SLC25A13: variants seen among roughly 807,000 people sequenced by gnomAD.
The protein encoded by SLC25A13 is solute carrier family 25 member 13.
A neutral mutation model predicts 85.5 loss-of-function variants in SLC25A13; 70 were observed. That is an observed-to-expected ratio of 0.82 (90% CI 0.68 to 1.00). The LOEUF (loss-of-function observed/expected upper bound fraction) is 1.00. SLC25A13 is among the 50% of genes least tolerant of loss of function. SLC25A13 has a pLI of 0.00. For missense variants in SLC25A13, 765 were observed against 819.8 expected, an observed-to-expected ratio of 0.93 and a Z score of 0.82; for synonymous variants, 259 against 288.7, an observed-to-expected ratio of 0.90 and a Z score of 1.04.
In SLC25A13 at chr7:96,240,973, GGA is replaced by G. The variant is rs1215058223; in HGVS notation, c.213-6058_213-6057del. On this transcript the variant is annotated intron_variant, in intron 3 of 17. Coordinates refer to ENST00000265631, the MANE Select transcript of SLC25A13 (RefSeq NM_014251.3). The stretch of plus-strand genomic sequence containing the variant: ...CAGGGAAGAGCTACGAAAGCCGAAA[GGA>G]GAGGAGAGGGGAGGGGAGGGGAGGG... Among the ~76,000 whole-genome samples, 8 of 76,126 alleles carry G rather than the reference GGA, an allele frequency of 1.1e-4. 1 individual carries two copies. The highest frequency in any genetic ancestry group is 2.9e-4 in the African/African-American group (6 of 20,740). 49.9% of individuals were successfully genotyped at this position (76,126 alleles called of 152,430 possible). A position where few individuals can be genotyped will look rare whatever the true frequency, so the allele number is the denominator to read the frequency against.
intron 3 of SLC25A13, among the ~76,000 whole-genome samples, chr7:96,275,211 C>T (rs574889546): frequency 2.2e-4 from 34 of 151,992 alleles, no homozygotes; most frequent in South Asian, 1.5e-3. Context: ...GTTAGAATGG[C>T]GATCATTAAA....
intron 13 of SLC25A13, among the ~76,000 whole-genome samples, chr7:96,163,146 T>C (rs1050008047): frequency 6.6e-6 from 1 of 152,208 alleles, no homozygotes; most frequent in African/African-American, 2.4e-5. Flanking sequence ...TCCTGTTGAG[T>C]CTGGGCCAGC....
At chr7:96,125,861 T>C (rs1020459482) in intron 15 of SLC25A13, among the ~76,000 whole-genome samples, 126 of 57,866 alleles carry the variant, frequency 2.2e-3, no homozygotes, top group Non-Finnish European at 1.5e-3. Flanking sequence ...ATGGCAGTTC[T>C]TCTATTACTT....
intron 1 of SLC25A13, among the ~76,000 whole-genome samples, chr7:96,318,288 T>A (rs1322793072): frequency 6.6e-6 from 1 of 152,204 alleles, no homozygotes; most frequent in Non-Finnish European, 1.5e-5. Flanking sequence ...CGCATAAATT[T>A]AACCAATGAC....
intron 3 of SLC25A13, among the ~76,000 whole-genome samples, chr7:96,266,520 G>C (rs1000517792): frequency 1.3e-5 from 2 of 152,100 alleles, no homozygotes; most frequent in Non-Finnish European, 2.9e-5. Context: ...AAGAGGAGCT[G>C]GGTAAGAGGA....
intron 3 of SLC25A13, among the ~76,000 whole-genome samples, chr7:96,238,402 T>C (rs114988326): frequency 0.031 from 4,723 of 151,608 alleles, 189 homozygotes; most frequent in African/African-American, 0.09. Context: ...TTGTTTTTTT[T>C]TTTAAAGCTT....
intron 2 of SLC25A13, among the ~76,000 whole-genome samples, chr7:96,296,599 G>C (rs546488129): frequency 1.3e-5 from 2 of 151,686 alleles, no homozygotes; most frequent in South Asian, 4.2e-4. Flanking sequence ...TCCCACCTCA[G>C]CCTCCTGAAT....
intron 15 of SLC25A13, among the ~76,000 whole-genome samples, chr7:96,126,914 A>C (rs1205184120): frequency 6.6e-6 from 1 of 151,784 alleles, no homozygotes; most frequent in Admixed American, 6.6e-5. Flanking sequence ...TTATGTCCAC[A>C]TAATTAACAA....
chr7:96,231,444 G>C (rs924428074), intron 4 of SLC25A13, among the ~76,000 whole-genome samples: 1 of 152,160 alleles, frequency 6.6e-6, no homozygotes, highest in Non-Finnish European at 1.5e-5. Context: ...TGGGGGAAAG[G>C]CCAGGCGTGG....
At chr7:96,146,503 A>C in intron 14 of SLC25A13, 53 bp downstream of exon 14, 1 of 1,590,526 alleles carries the variant, frequency 6.3e-7, no homozygotes, top group South Asian at 1.1e-5. Flanking sequence ...TAGTTTCTGC[A>C]TTAGGAGATG....
At chr7:96,221,503 A>G (rs1283558828) in intron 4 of SLC25A13, among the ~76,000 whole-genome samples, 3 of 152,168 alleles carry the variant, frequency 2.0e-5, no homozygotes, top group Non-Finnish European at 4.4e-5. Context: ...GTTTCTTCTG[A>G]TTCTTCACCA....
At chr7:96,248,077 G>A (rs957159935) in intron 3 of SLC25A13, among the ~76,000 whole-genome samples, 1 of 151,890 alleles carries the variant, frequency 6.6e-6, no homozygotes, top group Non-Finnish European at 1.5e-5. Flanking sequence ...AGTCTCAACA[G>A]TCCTAATCCT....
chr7:96,236,320 G>A (rs1584493815), intron 3 of SLC25A13, among the ~76,000 whole-genome samples: 1 of 151,982 alleles, frequency 6.6e-6, no homozygotes, highest in Admixed American at 6.6e-5. Flanking sequence ...GAGACTCTGC[G>A]TAGGAGGCAA....
In SLC25A13 at chr7:96,189,384, G is replaced by C. The variant is rs768014313; in HGVS notation, c.849-6C>G. 1.9e-6 allele frequency: 3 copies of C among 1,613,564 alleles called. No individual in the cohort carries two copies. Among genetic ancestry groups the C allele is most frequent in the Non-Finnish European group, 2.5e-6 (3 of 1,179,554 alleles). ...TGTCTGCTAAGGTCATACGTCTGTAGGGGAAAAACAAACACAAGCAACAAA... is the reference window on the plus strand; with the variant it reads ...TGTCTGCTAAGGTCATACGTCTGTACGGGAAAAACAAACACAAGCAACAAA... On this transcript the variant is annotated splice_region_variant and splice_polypyrimidine_tract_variant and intron_variant, in intron 8 of 17. Coordinates refer to ENST00000265631, the MANE Select transcript of SLC25A13 (RefSeq NM_014251.3).
intron 14 of SLC25A13, 92 bp from the exon 15 acceptor site, chr7:96,131,973 T>C (rs925153623): frequency 1.3e-6 from 2 of 1,575,118 alleles, no homozygotes; most frequent in African/African-American, 2.7e-5. Context: ...AACAAAATAT[T>C]CCTGGAGAAG....
chr7:96,241,055 AAAGAAAGAAAGAAAG>A (rs894152015), intron 3 of SLC25A13, among the ~76,000 whole-genome samples: 1 of 131,394 alleles, frequency 7.6e-6, no homozygotes, highest in Admixed American at 7.5e-5. Flanking sequence ...AGAAAGAAAG[AAAGAAAGAAAGAAAG>A]AAAGAAAGAA....
At chr7:96,240,250 T>C (rs750343718) in intron 3 of SLC25A13, among the ~76,000 whole-genome samples, 6 of 152,160 alleles carry the variant, frequency 3.9e-5, no homozygotes, top group African/African-American at 1.2e-4. Context: ...ATTACTGTCA[T>C]GTTGAGTGAA....
At chr7:96,157,196 T>C (rs961060666) in intron 13 of SLC25A13, among the ~76,000 whole-genome samples, 18 of 152,214 alleles carry the variant, frequency 1.2e-4, no homozygotes, top group African/African-American at 4.1e-4. Context: ...ATTCTACTGA[T>C]ACGAAGCATC....
chr7:96,260,795 C>A (rs1391772096), intron 3 of SLC25A13, among the ~76,000 whole-genome samples: 3 of 152,108 alleles, frequency 2.0e-5, no homozygotes, highest in Non-Finnish European at 4.4e-5. Context: ...CAGATTACTG[C>A]AGCACAGTCC....
Sources: allele counts gnomAD v4.1 joint callset (sites outside exome capture counted in the v4.1 genomes callset), GRCh38; gene constraint gnomAD v4.1.1; transcripts MANE v1.5; gene names NCBI Gene and HGNC (gene_info 2026-07-23, HGNC 2026-07-21).